LRIG1: variants seen among roughly 807,000 people sequenced by gnomAD.
LRIG1 encodes leucine-rich repeats and immunoglobulin-like domains protein 1.
Under a neutral mutation model 99.2 loss-of-function variants are expected in LRIG1, and 48 were observed. The ratio of observed to expected loss-of-function variants is 0.48; its 90% CI spans 0.38 to 0.62. LRIG1 has a LOEUF of 0.62. Ranked by LOEUF, LRIG1 falls within the 20% of genes least tolerant of loss-of-function variation. The pLI is 0.00. For missense variants in LRIG1, 1,646 were observed against 1,434.4 expected (o/e 1.15, Z -2.38); for synonymous variants, 772 against 596.1 (o/e 1.29, Z -4.30).
chr3:66,399,763 G>C (rs1701989906), intron 9 of LRIG1, among the ~76,000 whole-genome samples: 1 of 152,172 alleles, frequency 6.6e-6, no homozygotes, highest in African/African-American at 2.4e-5. Flanking sequence ...GCGGGATGTT[G>C]TCTCAAACAA....
At chr3:66,454,903 T>C (rs758205653) in intron 2 of LRIG1, among the ~76,000 whole-genome samples, 4 of 152,210 alleles carry the variant, frequency 2.6e-5, no homozygotes, top group Non-Finnish European at 5.9e-5. Flanking sequence ...TCAATCTTAA[T>C]CAAATTTGGC....
chr3:66,393,697 A>T (rs1218207875), intron 12 of LRIG1, among the ~76,000 whole-genome samples: 2 of 152,176 alleles, frequency 1.3e-5, no homozygotes, highest in Admixed American at 6.5e-5. Flanking sequence ...ACACATTAAA[A>T]CGCCAGCCTC....
chr3:66,455,915 T>C (rs1700207220), intron 2 of LRIG1, among the ~76,000 whole-genome samples: 3 of 152,262 alleles, frequency 2.0e-5, no homozygotes, highest in Admixed American at 6.5e-5. Context: ...ACATCTACTA[T>C]GTGCCAGACT....
chr3:66,386,026 G>A lies in LRIG1; in HGVS notation c.1744C>T (p.His582Tyr), dbSNP rs1470755027. ...EGRYQCVITN[H>Y]FGSTYSHKAR... ...TTATGTGAATAGGTGGAGCCAAAGT[G>A]GTTGGTGATGACACATTGGTAGCGG... Residue 582 changes from histidine (H) to tyrosine (Y), a missense_variant, in exon 13 of 19, where the codon CAC (histidine) becomes TAC (tyrosine). His to Tyr is a moderately conservative substitution (Grantham distance 83). Transcript: ENST00000273261. 4 of 1,614,078 alleles carry A rather than the reference G, an allele frequency of 2.5e-6. No homozygotes were observed. Among genetic ancestry groups the A allele is most frequent in the Non-Finnish European group, 3.4e-6 (4 of 1,180,046 alleles).
At chr3:66,408,212 G>T (rs988520995) in intron 7 of LRIG1, among the ~76,000 whole-genome samples, 2 of 152,196 alleles carry the variant, frequency 1.3e-5, no homozygotes, top group African/African-American at 4.8e-5. Context: ...GCAGGGATAG[G>T]AAGATGGAAA....
chr3:66,487,583 G>GAAAC (rs1701003111), intron 1 of LRIG1, among the ~76,000 whole-genome samples: 1 of 152,138 alleles, frequency 6.6e-6, no homozygotes, highest in African/African-American at 2.4e-5. Flanking sequence ...TAAGTGGAGA[G>GAAAC]AAACACACAC....
intron 1 of LRIG1, among the ~76,000 whole-genome samples, chr3:66,495,572 G>C (rs1319504714): frequency 6.6e-6 from 1 of 152,210 alleles, no homozygotes; most frequent in South Asian, 2.1e-4. Context: ...AAAGAAGAAA[G>C]AAAGACTCTG....
intron 3 of LRIG1, among the ~76,000 whole-genome samples, chr3:66,441,415 C>T (rs1301885174): frequency 6.6e-6 from 1 of 152,062 alleles, no homozygotes; most frequent in Non-Finnish European, 1.5e-5. Flanking sequence ...AGTGTTTTTC[C>T]TCACTGTACC....
intron 3 of LRIG1, among the ~76,000 whole-genome samples, chr3:66,422,644 C>T (rs564448832): frequency 6.6e-6 from 1 of 152,202 alleles, no homozygotes; most frequent in African/African-American, 2.4e-5. Flanking sequence ...CATCTTCCTG[C>T]CTTCTGAGCC....
chr3:66,449,385 T>C (rs1356529361), intron 3 of LRIG1, among the ~76,000 whole-genome samples: 1 of 152,226 alleles, frequency 6.6e-6, no homozygotes, highest in Non-Finnish European at 1.5e-5. Context: ...AAGAGCTGGC[T>C]GCCAGTGCTA....
intron 9 of LRIG1, 35 bp downstream of exon 9, chr3:66,405,163 A>G: frequency 1.3e-6 from 2 of 1,598,430 alleles, no homozygotes; most frequent in Non-Finnish European, 8.6e-7. Flanking sequence ...TGTCCCGCGC[A>G]TTTGCCGGCG....
In LRIG1 at chr3:66,380,641, G is replaced by A. The variant is rs746330098; in HGVS notation, c.2991C>T (p.Pro997=). Residue 997 remains proline, a synonymous_variant, in exon 18 of 19, where the codon CCC becomes CCT. Coordinates refer to ENST00000273261, the MANE Select transcript of LRIG1 (RefSeq NM_015541.3). ...SCPECQGSLY[P]SNHDRMLTAV... is the part of the protein sequence containing the mutation. ...CCGTCAGCATTCTATCGTGGTTACT[G>A]GGGTAGAGCGACCCTTGGCACTCGG... 5.0e-6 allele frequency: 8 copies of A among 1,614,192 alleles called. No individual in the cohort carries two copies. The highest frequency in any genetic ancestry group is 3.3e-5 in the Admixed American group (2 of 60,026).
rs118073498 is a variant in LRIG1, at chr3:66,438,942, T to C, written c.365+12617A>G. 2.0e-5 allele frequency among the ~76,000 whole-genome samples: 3 copies of C among 152,354 alleles called. No homozygotes were observed. In the East Asian group the frequency reaches 5.8e-4, roughly 29 times the overall value. On this transcript the variant is annotated intron_variant, in intron 3 of 18. Transcript: ENST00000273261. ...TATCACCATTTCCTTTGATGACGTA[T>C]TGAATCTCTCAGGGACTACAGCTCT... is the stretch of plus-strand genomic sequence containing the variant.
At chr3:66,475,658 G>A (rs1700705572) in intron 1 of LRIG1, among the ~76,000 whole-genome samples, 1 of 152,214 alleles carries the variant, frequency 6.6e-6, no homozygotes, top group African/African-American at 2.4e-5. Flanking sequence ...AGCCAAAGTG[G>A]CTTTAGATTT....
Position 66,500,547 on chromosome 3 carries a change from G to A in LRIG1, c.-140C>T. 4.7e-6 allele frequency: 2 copies of A among 425,374 alleles called. No homozygotes were observed. Among genetic ancestry groups the A allele is most frequent in the Non-Finnish European group, 7.8e-6 (2 of 255,528 alleles). The allele number at this position is 425,374 out of a possible 1,614,324, so 26.3% of individuals were successfully genotyped here. On this transcript the variant is annotated 5_prime_UTR_variant, in exon 1 of 19. Coordinates refer to ENST00000273261, the MANE Select transcript of LRIG1 (RefSeq NM_015541.3). The stretch of plus-strand genomic sequence containing the variant: ...ATGGCCCCCGCCCCAAGTTCTCTCT[G>A]CGGCCGCGGCTCCGGCACTCAGCGT...
rs573277919 is a variant in LRIG1, at chr3:66,464,151, C to T, written c.219-1642G>A. Among the ~76,000 whole-genome samples the T allele has an allele frequency of 2.0e-5, 3 of 152,216 alleles. 1 individual carries two copies. The South Asian group carries it at 6.2e-4, about 32-fold the overall frequency. On this transcript the variant is annotated intron_variant, in intron 1 of 18. Transcript: ENST00000273261. ...GACTGAGATTTTCTTCTATTTTGAG[C>T]AGATTATCATAAAAAGGGGGATGGA...
At chr3:66,483,219 C>T (rs1310074589) in intron 1 of LRIG1, among the ~76,000 whole-genome samples, 1 of 152,174 alleles carries the variant, frequency 6.6e-6, no homozygotes, top group African/African-American at 2.4e-5. Context: ...CTTCCCATTG[C>T]CCCTTGCTAG....
In LRIG1 at chr3:66,383,314, G is replaced by A. The variant is rs141532779; in HGVS notation, c.2159C>T (p.Pro720Leu). The A allele has an allele frequency of 5.0e-6, 8 of 1,606,028 alleles. No individual in the cohort carries two copies. The African/African-American group carries it at 1.1e-4, about 21-fold the overall frequency. The change falls in exon 15 of 19, where the codon CCT (proline) becomes CTT (leucine). Residue 720 changes from proline (P) to leucine (L), a missense_variant. Transcript: ENST00000273261. Reference protein sequence around the residue: ...VALQCKATGNPPPRITWFKGD... With the variant: ...VALQCKATGNLPPRITWFKGD... ...CTTGAACCAGGTGATGCGGGGCGGA[G>A]GGTTCCCCGTGGCTTTGCATTGGAG... is the stretch of plus-strand genomic sequence containing the variant.
At chr3:66,454,359 T>C (rs190392329) in intron 2 of LRIG1, among the ~76,000 whole-genome samples, 23 of 152,296 alleles carry the variant, frequency 1.5e-4, no homozygotes, top group Admixed American at 1.3e-3. Flanking sequence ...TGGTCAAAAA[T>C]AGCACAGCTA....
Sources: gnomAD v4.1 joint callset for allele counts (sites outside exome capture counted in the v4.1 genomes callset) on GRCh38, gnomAD v4.1.1 for gene constraint, MANE v1.5 for transcripts, NCBI Gene and HGNC (gene_info 2026-07-23, HGNC 2026-07-21) for gene names.